The following ATG13 variants were observed in gnomAD, a reference collection of about 807,000 sequenced individuals.
ATG13 encodes the protein autophagy-related protein 13.
A neutral mutation model predicts 65.5 loss-of-function variants in ATG13; 23 were observed. That is an observed-to-expected ratio of 0.35 (90% CI 0.25 to 0.50). The LOEUF (loss-of-function observed/expected upper bound fraction) is 0.50. Among genes scored for constraint, ATG13 ranks in the 20% least tolerant of loss-of-function variants. ATG13 has a pLI of 0.98. For synonymous variants in ATG13, 252 were observed against 245.2 expected, an observed-to-expected ratio of 1.03 and a Z score of -0.26; for missense variants, 566 against 677.0, an observed-to-expected ratio of 0.84 and a Z score of 1.82.
chr11:46,657,311 T>C, intron 9 of ATG13, 120 bp downstream of exon 9: 2 of 1,046,376 alleles, frequency 1.9e-6, no homozygotes, highest in Non-Finnish European at 1.4e-6. Context: ...TTCAGAAGAA[T>C]AAAGAGAGAG....
At chr11:46,671,331 T>A (rs895346096) in intron 18 of ATG13, among the ~76,000 whole-genome samples, 11 of 152,216 alleles carry the variant, frequency 7.2e-5, no homozygotes, top group African/African-American at 2.7e-4. Flanking sequence ...GCATTTTTAT[T>A]AATAGTTGAT....
Position 46,659,499 on chromosome 11 carries a change from G to T in ATG13, c.789+14G>T. On this transcript the variant is annotated intron_variant, in intron 11 of 18. Transcript: ENST00000683050. ...CCACCATCCCAGGTAGGGGGAAGCA[G>T]GTTCTGGGGTGGTGGTAGTTATTTG... 3.1e-6 allele frequency: 5 copies of T among 1,598,672 alleles called. No homozygotes were observed. Among genetic ancestry groups the T allele is most frequent in the Non-Finnish European group, 4.3e-6 (5 of 1,166,046 alleles).
chr11:46,633,672 A>T (rs2052822605), intron 2 of ATG13, among the ~76,000 whole-genome samples: 1 of 151,934 alleles, frequency 6.6e-6, no homozygotes. Flanking sequence ...TTAGCTGCAC[A>T]TGGTGTTGCG....
At chr11:46,644,432 T>C in intron 3 of ATG13, 72 bp downstream of exon 3, 2 of 1,332,158 alleles carry the variant, frequency 1.5e-6, no homozygotes, top group Non-Finnish European at 1.0e-6. Context: ...TGCGAACAAC[T>C]CTCTTTGGAA....
rs2134397130 is a variant in ATG13, at chr11:46,672,848, A to G, written c.*516A>G. 4 of 1,189,632 alleles carry G rather than the reference A, an allele frequency of 3.4e-6. No homozygotes were observed. Among genetic ancestry groups the G allele is most frequent in the South Asian group, 2.8e-5 (2 of 70,186 alleles). The allele number at this position is 1,189,632 out of a possible 1,614,324, so 73.7% of individuals were successfully genotyped here. On this transcript the variant is annotated 3_prime_UTR_variant, in exon 19 of 19. Transcript: ENST00000683050. Reference sequence around the variant, plus strand: ...TTCATTGTCCCCTTTACTTCCTGCTATCTTCTTCTCCTCTTCTTCTCTCTC... The same window carrying G: ...TTCATTGTCCCCTTTACTTCCTGCTGTCTTCTTCTCCTCTTCTTCTCTCTC...
Position 46,672,695 on chromosome 11 carries a change from C to G in ATG13, c.*363C>G. 1.5e-6 allele frequency: 2 copies of G among 1,366,016 alleles called. No homozygotes were observed. Among genetic ancestry groups the G allele is most frequent in the Non-Finnish European group, 9.7e-7 (1 of 1,032,088 alleles). 84.6% of individuals were successfully genotyped at this position (1,366,016 alleles called of 1,614,324 possible). ...TGCCTGGGCCTGCCTTGCAGCTGGC[C>G]CCTTCCCTGCCTGCTGTCACCATCC... is the stretch of plus-strand genomic sequence containing the variant. On this transcript the variant is annotated 3_prime_UTR_variant, in exon 19 of 19. Transcript: ENST00000683050.
chr11:46,671,942 A>G lies in ATG13; in HGVS notation c.1576-313A>G, dbSNP rs1307891835. Among the ~76,000 whole-genome samples the G allele has an allele frequency of 2.6e-5, 4 of 152,260 alleles. No homozygotes were observed. In the East Asian group the frequency reaches 7.7e-4, roughly 29 times the overall value. On this transcript the variant is annotated intron_variant, in intron 18 of 18. Transcript: ENST00000683050. Reference sequence around the variant, plus strand: ...TTGGTATTTTATTCTAGTGTCAGTCAGATCTGTGCCAGGGATATTTCATGT... The same window carrying G: ...TTGGTATTTTATTCTAGTGTCAGTCGGATCTGTGCCAGGGATATTTCATGT...
At chr11:46,634,744 C>G (rs903165651) in intron 2 of ATG13, among the ~76,000 whole-genome samples, 5 of 151,880 alleles carry the variant, frequency 3.3e-5, no homozygotes, top group Non-Finnish European at 1.5e-5. Context: ...CTCTGTCACC[C>G]AGGCTGGAGT....
intron 16 of ATG13, 105 bp downstream of exon 16, chr11:46,668,681 C>A (rs186249842): frequency 4.0e-6 from 6 of 1,496,604 alleles, no homozygotes; most frequent in Non-Finnish European, 5.6e-6. Context: ...CATGGCCCCT[C>A]GGCTTACGGG....
In ATG13 at chr11:46,672,145, G is replaced by C. The variant is rs551924540; in HGVS notation, c.1576-110G>C. 3 of 1,556,382 alleles carry C rather than the reference G, an allele frequency of 1.9e-6. No homozygotes were observed. The Admixed American group carries it at 5.2e-5, about 27-fold the overall frequency. The stretch of plus-strand genomic sequence containing the variant: ...TGCGTTCTCCCACTTGCTCGGCCCA[G>C]CTAGGGCTGAGCTTCGTCTTGCTTG... On this transcript the variant is annotated intron_variant, in intron 18 of 18. Transcript: ENST00000683050.
chr11:46,630,419 T>A (rs1452012756), intron 2 of ATG13, among the ~76,000 whole-genome samples: 1 of 152,170 alleles, frequency 6.6e-6, no homozygotes, highest in Admixed American at 6.6e-5. Context: ...ACACCGCTTG[T>A]GTGTTTCATG....
Position 46,673,127 on chromosome 11 carries a change from T to C in ATG13, c.*795T>C, listed in dbSNP as rs991803437. On this transcript the variant is annotated 3_prime_UTR_variant, in exon 19 of 19. Coordinates refer to ENST00000683050, the MANE Select transcript of ATG13 (RefSeq NM_001346311.2). ...CCTTGGTTATAGAACATGGTAAATATTTATTACTTTCAGAGAAACCAGATA... is the reference window on the plus strand; with the variant it reads ...CCTTGGTTATAGAACATGGTAAATACTTATTACTTTCAGAGAAACCAGATA... 1.2e-5 allele frequency: 2 copies of C among 161,018 alleles called. No homozygotes were observed. Among genetic ancestry groups the C allele is most frequent in the South Asian group, 3.2e-4 (2 of 6,160 alleles). 10.0% of individuals were successfully genotyped at this position (161,018 alleles called of 1,614,324 possible).
At chr11:46,649,308 AGGTCTTTGCTACAATTTGCTTCATCCTT>A in intron 6 of ATG13, 125 bp downstream of exon 6, 1 of 1,072,084 alleles carries the variant, frequency 9.3e-7, no homozygotes, top group South Asian at 1.7e-5. Context: ...CAAAGCCAAT[AGGTCTTTGCTACAATTTGCTTCATCCTT>A]GGCTTCCAGC....
chr11:46,648,181 C>T (rs1294130593), intron 5 of ATG13, among the ~76,000 whole-genome samples: 3 of 151,760 alleles, frequency 2.0e-5, no homozygotes, highest in African/African-American at 4.8e-5. Context: ...CTGCAACCTT[C>T]CCCTCCTGGG....
intron 2 of ATG13, among the ~76,000 whole-genome samples, chr11:46,639,255 G>T (rs1205999783): frequency 6.6e-6 from 1 of 152,126 alleles, no homozygotes; most frequent in African/African-American, 2.4e-5. Flanking sequence ...CACAGTGCTG[G>T]GATTATAGGC....
At chr11:46,623,939 C>T (rs2048583793) in intron 1 of ATG13, among the ~76,000 whole-genome samples, 1 of 150,324 alleles carries the variant, frequency 6.7e-6, no homozygotes, top group South Asian at 2.1e-4. Context: ...TTTTTCTGAA[C>T]CCTTCAGAGA....
At chr11:46,650,147 G>T (rs370497611) in intron 6 of ATG13, 30 bp from the exon 7 acceptor site, 6 of 1,607,858 alleles carry the variant, frequency 3.7e-6, no homozygotes, top group Non-Finnish European at 5.1e-6. Context: ...CTAAATAGAA[G>T]AATGCTGACC....
chr11:46,621,067 T>C (rs932611049), intron 1 of ATG13: 4 of 151,546 alleles, frequency 2.6e-5, no homozygotes, highest in Non-Finnish European at 5.9e-5. Context: ...CAGGCTGGAG[T>C]GTAGTGGTGT....
rs1352141957 is a variant in ATG13, at chr11:46,619,616, G to A, written c.-70+1726G>A. The stretch of plus-strand genomic sequence containing the variant: ...TTAGGCTGTTTGTTCTTGAACTCCC[G>A]ACCTCAGGTTATCCACCCGCCTTGG... On this transcript the variant is annotated intron_variant, in intron 1 of 18. Coordinates refer to ENST00000683050, the MANE Select transcript of ATG13 (RefSeq NM_001346311.2). Among the ~76,000 whole-genome samples, 5 of 151,768 alleles carry A rather than the reference G, an allele frequency of 3.3e-5. No individual in the cohort carries two copies. The South Asian group carries it at 6.3e-4, about 19-fold the overall frequency.
Sources: gnomAD v4.1 joint callset for allele counts (sites outside exome capture counted in the v4.1 genomes callset) on GRCh38, gnomAD v4.1.1 for gene constraint, MANE v1.5 for transcripts, NCBI Gene and HGNC (gene_info 2026-07-23, HGNC 2026-07-21) for gene names.